CSGALNACT1: variants seen among roughly 807,000 people sequenced by gnomAD.
The protein encoded by CSGALNACT1 is chondroitin sulfate N-acetylgalactosaminyltransferase 1.
Under a neutral mutation model 51.0 loss-of-function variants are expected in CSGALNACT1, and 52 were observed. The observed-to-expected ratio is 1.02, with a 90% CI of 0.82 to 1.29. The LOEUF is 1.29. Ranked by LOEUF, CSGALNACT1 falls within the 50% of genes most tolerant of loss-of-function variation. The pLI is 0.00. For missense variants in CSGALNACT1, 935 were observed against 679.2 expected (o/e 1.38, Z -4.19); for synonymous variants, 341 against 254.4 (o/e 1.34, Z -3.24).
At chr8:19,627,644 C>A (rs1442491399) in intron 1 of CSGALNACT1, among the ~76,000 whole-genome samples, 2 of 151,980 alleles carry the variant, frequency 1.3e-5, no homozygotes, top group African/African-American at 4.8e-5. Flanking sequence ...GGCAACAAAG[C>A]GAGACCTGTC....
rs139408620 is a variant in CSGALNACT1 at position 19,620,368 on chromosome 8, G to A, written c.-543-18503C>T. 1.3e-3 allele frequency among the ~76,000 whole-genome samples: 188 copies of A among 145,200 alleles called. 2 individuals are homozygous for A. The highest frequency in any genetic ancestry group is 2.4e-3 in the Non-Finnish European group (157 of 66,674). ...CGAAATACTGTGTCTGACCTACAAC[G>A]AGTACTCATTAAAACACTATCATCA... On this transcript the variant is annotated intron_variant, in intron 1 of 9. Transcript: ENST00000332246.
intron 3 of CSGALNACT1, among the ~76,000 whole-genome samples, chr8:19,573,316 T>A (rs1166179031): frequency 6.6e-6 from 1 of 152,216 alleles, no homozygotes. Flanking sequence ...TTATTCTCCC[T>A]CTGGCCCTTT....
chr8:19,429,159 A>G (rs913417296), intron 6 of CSGALNACT1, among the ~76,000 whole-genome samples: 4 of 152,006 alleles, frequency 2.6e-5, no homozygotes, highest in Non-Finnish European at 5.9e-5. Context: ...GGGATTATAC[A>G]TTATCAACCT....
intron 3 of CSGALNACT1, among the ~76,000 whole-genome samples, chr8:19,547,661 G>A (rs1024707751): frequency 6.6e-6 from 1 of 152,130 alleles, no homozygotes; most frequent in African/African-American, 2.4e-5. Context: ...CCAGTCTCGG[G>A]TATATCTTTA....
rs1457326190 is a variant in CSGALNACT1 at position 19,576,758 on chromosome 8, C to T, written c.-297+14402G>A. Among the ~76,000 whole-genome samples the T allele has an allele frequency of 2.0e-5, 3 of 152,218 alleles. No individual in the cohort carries two copies. The East Asian group carries it at 5.8e-4, about 30-fold the overall frequency. On this transcript the variant is annotated intron_variant, in intron 3 of 9. Coordinates refer to ENST00000454498, the Ensembl canonical transcript of CSGALNACT1. ...GATTGCCCCATCAGTCTTACCTCTG[C>T]AGGCCAGAGCCAATACTTGGGCCCG...
chr8:19,570,181 G>A (rs910537817), intron 3 of CSGALNACT1, among the ~76,000 whole-genome samples: 11 of 151,952 alleles, frequency 7.2e-5, no homozygotes, highest in Non-Finnish European at 1.3e-4. Flanking sequence ...CTGCTGAACT[G>A]TATACTTAAG....
chr8:19,596,457 A>G (rs943115886), intron 2 of CSGALNACT1, among the ~76,000 whole-genome samples: 8 of 152,156 alleles, frequency 5.3e-5, no homozygotes, highest in Non-Finnish European at 1.0e-4. Flanking sequence ...TCTTAATCAC[A>G]AAAGTAATTT....
intron 1 of CSGALNACT1, among the ~76,000 whole-genome samples, chr8:19,662,229 C>A (rs1387528876): frequency 2.6e-5 from 4 of 151,740 alleles, no homozygotes; most frequent in African/African-American, 9.7e-5. Context: ...ACTACAAATA[C>A]AAAACTAGCC....
chr8:19,447,031 GA>G (rs1365856772), intron 5 of CSGALNACT1, among the ~76,000 whole-genome samples: 1 of 152,142 alleles, frequency 6.6e-6, no homozygotes, highest in African/African-American at 2.4e-5. Context: ...TGTTTCCCAA[GA>G]GCCAAAAGCC....
At chr8:19,531,028 T>C (rs1264733739) in intron 3 of CSGALNACT1, among the ~76,000 whole-genome samples, 1 of 152,220 alleles carries the variant, frequency 6.6e-6, no homozygotes, top group East Asian at 1.9e-4. Flanking sequence ...TGTGAATACC[T>C]AAGAATCTGA....
intron 6 of CSGALNACT1, among the ~76,000 whole-genome samples, chr8:19,425,841 C>T (rs745940629): frequency 1.3e-5 from 2 of 152,108 alleles, no homozygotes; most frequent in Admixed American, 6.6e-5. Flanking sequence ...CTCAAATACG[C>T]GCTCTGCATC....
In CSGALNACT1 at chr8:19,506,505, T is replaced by C. The variant is rs1163437159; in HGVS notation, c.-296-375A>G. Reference sequence around the variant, plus strand: ...AAAATGTTAATGACACTGGAGTTGCTGGCAGCGGACTACTTGGCCGGAGAC... The same window carrying C: ...AAAATGTTAATGACACTGGAGTTGCCGGCAGCGGACTACTTGGCCGGAGAC... On this transcript the variant is annotated intron_variant, in intron 3 of 9. Transcript: ENST00000454498. 5.3e-5 allele frequency among the ~76,000 whole-genome samples: 8 copies of C among 152,348 alleles called. No homozygotes were observed. The East Asian group carries it at 5.8e-4, about 11-fold the overall frequency.
intron 1 of CSGALNACT1, among the ~76,000 whole-genome samples, chr8:19,626,705 T>C (rs1405414794): frequency 2.0e-5 from 3 of 152,216 alleles, no homozygotes; most frequent in Non-Finnish European, 4.4e-5. Flanking sequence ...TTCAGTATAT[T>C]TAAATAACTT....
At chr8:19,416,109 CT>C (rs34491658) in intron 8 of CSGALNACT1, among the ~76,000 whole-genome samples, 345 of 116,710 alleles carry the variant, frequency 3.0e-3, no homozygotes, top group East Asian at 5.3e-3. Context: ...GAAATGAAAA[CT>C]TTTTTTTTTT....
chr8:19,631,021 A>T (rs567702943), intron 1 of CSGALNACT1, among the ~76,000 whole-genome samples: 3 of 152,320 alleles, frequency 2.0e-5, no homozygotes, highest in Non-Finnish European at 2.9e-5. Context: ...TGACAATTGT[A>T]TAATGATATG....
intron 3 of CSGALNACT1, among the ~76,000 whole-genome samples, chr8:19,539,828 A>G (rs1201691398): frequency 6.6e-6 from 1 of 152,170 alleles, no homozygotes; most frequent in African/African-American, 2.4e-5. Flanking sequence ...GGGGAGTTCT[A>G]GGCTATTAAA....
chr8:19,594,327 G>A (rs891261613), intron 2 of CSGALNACT1, among the ~76,000 whole-genome samples: 1 of 152,176 alleles, frequency 6.6e-6, no homozygotes, highest in African/African-American at 2.4e-5. Flanking sequence ...TGGTCAAAGT[G>A]CCAAATGATG....
chr8:19,508,759 T>A (rs963604561), intron 3 of CSGALNACT1, among the ~76,000 whole-genome samples: 5 of 152,244 alleles, frequency 3.3e-5, no homozygotes, highest in Admixed American at 6.5e-5. Context: ...TAAATTATGC[T>A]GTTTTTCTCT....
intron 4 of CSGALNACT1, among the ~76,000 whole-genome samples, chr8:19,504,245 T>C (rs1186504806): frequency 6.6e-6 from 1 of 152,014 alleles, no homozygotes; most frequent in African/African-American, 2.4e-5. Context: ...CCCGGCTAAT[T>C]TTTTGTATTT....
Sources: gnomAD v4.1 joint callset for allele counts (sites outside exome capture counted in the v4.1 genomes callset) on GRCh38, gnomAD v4.1.1 for gene constraint, MANE v1.5 for transcripts, NCBI Gene and HGNC (gene_info 2026-07-23, HGNC 2026-07-21) for gene names.